Variants in SRFBP1 observed in about 807,000 individuals in gnomAD.
The protein encoded by SRFBP1 is serum response factor binding protein 1, also known as serum response factor-binding protein 1.
In SRFBP1, 47 loss-of-function variants were observed where a neutral mutation model predicts 45.5. The ratio of observed to expected loss-of-function variants is 1.03; its 90% CI spans 0.82 to 1.32. SRFBP1 has a LOEUF of 1.32. Ranked by LOEUF, SRFBP1 falls within the 40% of genes most tolerant of loss-of-function variation. SRFBP1 has a pLI of 0.00. For synonymous variants in SRFBP1, 203 were observed against 166.3 expected (o/e 1.22, Z -1.70); for missense variants, 621 against 484.6 (o/e 1.28, Z -2.64).
intron 7 of SRFBP1, among the ~76,000 whole-genome samples, chr5:122,022,703 T>G (rs1190789159): frequency 1.3e-5 from 2 of 152,246 alleles, no homozygotes; most frequent in South Asian, 2.1e-4. Flanking sequence ...TATATCTTAA[T>G]TATTAGTGAT....
downstream of SRFBP1, among the ~76,000 whole-genome samples, chr5:122,076,647 C>G (rs1306134891): frequency 6.6e-6 from 1 of 152,200 alleles, no homozygotes; most frequent in Non-Finnish European, 1.5e-5. Context: ...GACTTTCAGT[C>G]TCCAGGATAA....
At chr5:122,052,832 A>C (rs955082038) in intron 2 of SRFBP1, among the ~76,000 whole-genome samples, 1 of 152,174 alleles carries the variant, frequency 6.6e-6, no homozygotes, top group African/African-American at 2.4e-5. Flanking sequence ...TTGAGTGCTC[A>C]GAGGTCTCGT....
intron 2 of SRFBP1, among the ~76,000 whole-genome samples, chr5:122,044,347 A>G (rs751352881): frequency 3.3e-5 from 5 of 152,168 alleles, no homozygotes; most frequent in Non-Finnish European, 7.4e-5. Flanking sequence ...AACAATTAAT[A>G]TTCCTTTGGA....
At chr5:121,965,597 G>A (rs1752046759) in intron 1 of SRFBP1, among the ~76,000 whole-genome samples, 1 of 152,124 alleles carries the variant, frequency 6.6e-6, no homozygotes, top group East Asian at 1.9e-4. Context: ...CTATAGCCTT[G>A]TATTATAGTT....
At chr5:122,048,427 T>G (rs1753903606) in intron 2 of SRFBP1, among the ~76,000 whole-genome samples, 1 of 152,218 alleles carries the variant, frequency 6.6e-6, no homozygotes, top group Admixed American at 6.5e-5. Context: ...CTTTTTGATG[T>G]GCTATTGGAT....
In SRFBP1 at chr5:121,965,109, A is replaced by G. The variant is rs948988264; in HGVS notation, c.36+3041A>G. 2.0e-5 allele frequency among the ~76,000 whole-genome samples: 3 copies of G among 152,264 alleles called. No individual in the cohort carries two copies. The East Asian group carries it at 5.8e-4, about 29-fold the overall frequency. On this transcript the variant is annotated intron_variant, in intron 1 of 7. Coordinates refer to ENST00000339397, the MANE Select transcript of SRFBP1 (RefSeq NM_152546.3). ...TATTAACCCTTTGTCCGATGGATAG[A>G]TTGCAAAAATTTTCTCCCATTCTGT...
chr5:121,965,634 G>A (rs1414597433), intron 1 of SRFBP1, among the ~76,000 whole-genome samples: 1 of 152,144 alleles, frequency 6.6e-6, no homozygotes, highest in Non-Finnish European at 1.5e-5. Flanking sequence ...GATGCCTCCA[G>A]CTTTGTCCCT....
intron 2 of SRFBP1, among the ~76,000 whole-genome samples, chr5:122,046,308 G>C (rs1420101217): frequency 6.6e-6 from 1 of 150,798 alleles, no homozygotes; most frequent in Non-Finnish European, 1.5e-5. Context: ...TTGGTTTTTT[G>C]TCCTTGTGAT....
At chr5:122,006,642 C>T (rs1038037678) in intron 4 of SRFBP1, among the ~76,000 whole-genome samples, 3 of 151,998 alleles carry the variant, frequency 2.0e-5, no homozygotes, top group Non-Finnish European at 4.4e-5. Flanking sequence ...AACCTATTTT[C>T]ATGTTCACAG....
In SRFBP1 at chr5:122,020,135, G is replaced by A. The variant is rs776028708; in HGVS notation, c.400G>A (p.Glu134Lys). Residue 134 changes from glutamate to lysine, a missense_variant, in exon 6 of 8, where the codon GAG becomes AAG. Physicochemically the swap from Glu to Lys is moderately conservative, Grantham distance 56. Coordinates refer to ENST00000339397, the MANE Select transcript of SRFBP1 (RefSeq NM_152546.3). Reference protein sequence around the residue: ...KEARQNVAEVESSKNASEDNH... With the variant: ...KEARQNVAEVKSSKNASEDNH... ...AGCAAGACAAAATGTTGCTGAAGTT[G>A]AGTCATCAAAGAATGCTTCAGAGGA... is the stretch of plus-strand genomic sequence containing the variant. 6 of 1,589,990 alleles carry A rather than the reference G, an allele frequency of 3.8e-6. No homozygotes were observed. The highest frequency in any genetic ancestry group is 5.1e-6 in the Non-Finnish European group (6 of 1,171,334).
chr5:122,012,125 A>C (rs1434380169), intron 4 of SRFBP1, among the ~76,000 whole-genome samples: 1 of 152,130 alleles, frequency 6.6e-6, no homozygotes, highest in Non-Finnish European at 1.5e-5. Flanking sequence ...TTGGCTAGGT[A>C]ATCTTGAAAT....
chr5:122,062,429 G>A (rs938502548), intron 2 of SRFBP1, among the ~76,000 whole-genome samples: 14 of 128,066 alleles, frequency 1.1e-4, no homozygotes, highest in African/African-American at 3.5e-4. Flanking sequence ...CAAGTTTTCA[G>A]ACAAAAAGGA....
intron 3 of SRFBP1, among the ~76,000 whole-genome samples, chr5:121,980,535 T>C (rs1387679414): frequency 6.6e-6 from 1 of 152,138 alleles, no homozygotes; most frequent in Non-Finnish European, 1.5e-5. Flanking sequence ...TCTGATAGTA[T>C]TTTCATTTTT....
intron 2 of SRFBP1, among the ~76,000 whole-genome samples, chr5:122,049,352 A>G (rs1753925772): frequency 6.6e-6 from 1 of 152,170 alleles, no homozygotes; most frequent in South Asian, 2.1e-4. Context: ...TGCACCCAAT[A>G]CAGGAGTACC....
At chr5:122,036,384 G>C (rs1753692989) in intron 2 of SRFBP1, among the ~76,000 whole-genome samples, 1 of 151,978 alleles carries the variant, frequency 6.6e-6, no homozygotes, top group South Asian at 2.1e-4. Flanking sequence ...ATCCTAGTTG[G>C]CAACATTTTG....
At chr5:122,040,951 T>C (rs1175154520) in intron 2 of SRFBP1, among the ~76,000 whole-genome samples, 1 of 152,154 alleles carries the variant, frequency 6.6e-6, no homozygotes, top group Non-Finnish European at 1.5e-5. Context: ...TCACCTAACA[T>C]ATATAAGTTT....
chr5:122,070,925 A>T (rs1754431881), intron 2 of SRFBP1, among the ~76,000 whole-genome samples: 1 of 152,108 alleles, frequency 6.6e-6, no homozygotes, highest in African/African-American at 2.4e-5. Flanking sequence ...CATAATAATT[A>T]TCTTAGCTCA....
intron 4 of SRFBP1, among the ~76,000 whole-genome samples, chr5:122,017,272 G>T (rs1474025468): frequency 1.3e-5 from 2 of 152,126 alleles, no homozygotes; most frequent in Non-Finnish European, 1.5e-5. Context: ...AGTTGAGGAG[G>T]GTGAAAGCTT....
intron 2 of SRFBP1, among the ~76,000 whole-genome samples, chr5:122,053,984 C>T (rs1460090324): frequency 1.3e-5 from 2 of 152,172 alleles, no homozygotes; most frequent in Non-Finnish European, 2.9e-5. Context: ...TTGGAGTGGC[C>T]AGCCAAGTTC....
Sources: gnomAD v4.1 joint callset for allele counts (sites outside exome capture counted in the v4.1 genomes callset) on GRCh38, gnomAD v4.1.1 for gene constraint, MANE v1.5 for transcripts, NCBI Gene and HGNC (gene_info 2026-07-23, HGNC 2026-07-21) for gene names.